Variants in ARHGAP18 observed in about 807,000 individuals in gnomAD.
ARHGAP18 encodes the protein Rho GTPase activating protein 18.
A neutral mutation model predicts 86.2 loss-of-function variants in ARHGAP18; 67 were observed. The ratio of observed to expected loss-of-function variants is 0.78; its 90% CI spans 0.64 to 0.95. The LOEUF is 0.95. ARHGAP18 is among the 40% of genes least tolerant of loss of function. The pLI is 0.00. For missense variants in ARHGAP18, 691 were observed against 780.4 expected (o/e 0.89, Z 1.37); for synonymous variants, 283 against 280.4 (o/e 1.01, Z -0.09).
chr6:129,699,861 T>C (rs1236802522), intron 1 of ARHGAP18, among the ~76,000 whole-genome samples: 1 of 152,176 alleles, frequency 6.6e-6, no homozygotes, highest in Admixed American at 6.5e-5. Flanking sequence ...GAAATGCAAG[T>C]GTAGGGAGGA....
intron 1 of ARHGAP18, among the ~76,000 whole-genome samples, chr6:129,683,663 T>C (rs1045490046): frequency 6.6e-6 from 1 of 151,832 alleles, no homozygotes; most frequent in Non-Finnish European, 1.5e-5. Flanking sequence ...TAATGGAAAA[T>C]AGAGGTTGGA....
At chr6:129,625,606 A>T (rs183852702) in intron 5 of ARHGAP18, among the ~76,000 whole-genome samples, 1 of 58,230 alleles carries the variant, frequency 1.7e-5, no homozygotes, top group Admixed American at 3.3e-4. Flanking sequence ...TATATTATAT[A>T]TTATTATATA....
chr6:129,677,730 T>C (rs935537505), intron 1 of ARHGAP18, among the ~76,000 whole-genome samples: 5 of 152,254 alleles, frequency 3.3e-5, no homozygotes, highest in African/African-American at 1.2e-4. Context: ...TTAAGGTACC[T>C]TGAAAAGCTG....
At chr6:129,610,040 G>A (rs1459115902) in intron 8 of ARHGAP18, among the ~76,000 whole-genome samples, 1 of 152,238 alleles carries the variant, frequency 6.6e-6, no homozygotes, top group East Asian at 1.9e-4. Flanking sequence ...ATGGGGTTAT[G>A]AAAATGAAGA....
chr6:129,597,855 TGTCTAACTATGCCAAA>T (rs780278072), intron 12 of ARHGAP18, among the ~76,000 whole-genome samples: 122 of 152,332 alleles, frequency 8.0e-4, no homozygotes, highest in Non-Finnish European at 1.3e-3. Flanking sequence ...GACCAGATCA[TGTCTAACTATGCCAAA>T]GTGCAAACTA....
intron 1 of ARHGAP18, among the ~76,000 whole-genome samples, chr6:129,651,074 G>A (rs1314659593): frequency 6.6e-6 from 1 of 152,052 alleles, no homozygotes; most frequent in Non-Finnish European, 1.5e-5. Context: ...AACTGCCATA[G>A]CAGATGTTGG....
intron 1 of ARHGAP18, among the ~76,000 whole-genome samples, chr6:129,662,391 G>A (rs1411559743): frequency 6.6e-6 from 1 of 152,234 alleles, no homozygotes; most frequent in Non-Finnish European, 1.5e-5. Flanking sequence ...TCCTTTTGAA[G>A]TGGGTGCAAT....
chr6:129,609,623 G>T (rs1422945482), intron 8 of ARHGAP18, among the ~76,000 whole-genome samples: 1 of 151,132 alleles, frequency 6.6e-6, no homozygotes, highest in African/African-American at 2.5e-5. Flanking sequence ...GTACTTAAAA[G>T]AACTCGTCTC....
intron 12 of ARHGAP18, among the ~76,000 whole-genome samples, chr6:129,592,100 A>T (rs1463962957): frequency 6.6e-6 from 1 of 151,492 alleles, no homozygotes; most frequent in Non-Finnish European, 1.5e-5. Context: ...AAGTTCTAAT[A>T]TTTTTTTTTA....
In ARHGAP18 at chr6:129,599,265, A is replaced by G. The variant is rs781686114; in HGVS notation, c.1664T>C (p.Met555Thr). The G allele has an allele frequency of 1.9e-6, 3 of 1,594,500 alleles. No individual in the cohort carries two copies. Residue 555 changes from methionine (M) to threonine (T), a missense_variant, in exon 12 of 15, where the codon ATG (methionine) becomes ACG (threonine). Physicochemically the swap from Met to Thr is moderately conservative, Grantham distance 81. Transcript: ENST00000368149. Reference sequence around the variant, plus strand: ...TTCATATTTTTCTCGGTCATAAGCCATTTTCTTCAGCAATTTCTTCATGGC... The same window carrying G: ...TTCATATTTTTCTCGGTCATAAGCCGTTTTCTTCAGCAATTTCTTCATGGC... Reference protein sequence around the residue: ...KRAMKKLLKKMAYDREKYEKQ... With the variant: ...KRAMKKLLKKTAYDREKYEKQ...
rs548516326 is a variant in ARHGAP18 at position 129,648,154 on chromosome 6, CT to C, written c.114-6137del. Reference sequence around the variant, plus strand: ...AGGATGAGAATTCTTTTCCAATGCACTTTTTTTTTTAATTTTTCAATTTTTT... The same window carrying C: ...AGGATGAGAATTCTTTTCCAATGCACTTTTTTTTTAATTTTTCAATTTTTT... On this transcript the variant is annotated intron_variant, in intron 1 of 14. Transcript: ENST00000368149. 9.9e-4 allele frequency among the ~76,000 whole-genome samples: 147 copies of C among 148,766 alleles called. 1 individual carries two copies. Among genetic ancestry groups the C allele is most frequent in the African/African-American group, 3.3e-3 (134 of 40,594 alleles).
At position 129,704,170 on chromosome 6, in the gene ARHGAP18, C is replaced by T. The variant is rs565075257; in HGVS notation, c.113+5854G>A. Among the ~76,000 whole-genome samples, 260 of 152,206 alleles carry T rather than the reference C, an allele frequency of 1.7e-3. 1 individual carries two copies. The highest frequency in any genetic ancestry group is 2.0e-3 in the African/African-American group (83 of 41,522). The stretch of plus-strand genomic sequence containing the variant: ...TCTCAAAACTGAGCTTCAGGCCAGG[C>T]GTGAGGGCTCACACCTATAATCCTA... On this transcript the variant is annotated intron_variant, in intron 1 of 14. Transcript: ENST00000368149.
chr6:129,582,732 G>T (rs909455126), intron 13 of ARHGAP18, among the ~76,000 whole-genome samples: 2 of 152,194 alleles, frequency 1.3e-5, no homozygotes, highest in South Asian at 4.1e-4. Flanking sequence ...GTGGAGAATG[G>T]TTAAGGGACT....
chr6:129,597,816 G>A (rs1407336432), intron 12 of ARHGAP18, among the ~76,000 whole-genome samples: 1 of 152,038 alleles, frequency 6.6e-6, no homozygotes, highest in Non-Finnish European at 1.5e-5. Context: ...TGACAATACA[G>A]TTTTTAAATA....
intron 1 of ARHGAP18, among the ~76,000 whole-genome samples, chr6:129,646,295 GCTTT>G (rs1773577889): frequency 1.3e-5 from 2 of 152,204 alleles, no homozygotes; most frequent in South Asian, 4.2e-4. Flanking sequence ...GGCCTTGCTT[GCTTT>G]GTTTGTTGTG....
intron 5 of ARHGAP18, among the ~76,000 whole-genome samples, chr6:129,625,414 TATATAATA>T (rs1789378182): frequency 2.5e-5 from 1 of 39,650 alleles, no homozygotes; most frequent in African/African-American, 1.4e-4. Flanking sequence ...TTATATATTA[TATATAATA>T]TATATTATAT....
At chr6:129,629,328 T>C in intron 5 of ARHGAP18, 25 bp downstream of exon 5, 2 of 1,604,652 alleles carry the variant, frequency 1.2e-6, no homozygotes, top group Non-Finnish European at 8.5e-7. Flanking sequence ...CATATATGTA[T>C]ATTTATAAAG....
chr6:129,642,975 A>G (rs556774541), intron 1 of ARHGAP18, among the ~76,000 whole-genome samples: 2 of 152,240 alleles, frequency 1.3e-5, no homozygotes, highest in African/African-American at 4.8e-5. Flanking sequence ...TCTCTCTCAG[A>G]TATTATCTAT....
chr6:129,626,489 C>T (rs1789475794), intron 5 of ARHGAP18, among the ~76,000 whole-genome samples: 1 of 151,436 alleles, frequency 6.6e-6, no homozygotes, highest in East Asian at 1.9e-4. Context: ...TACTTATAAG[C>T]CAAAATGAAA....
Sources: gnomAD v4.1 joint callset for allele counts (sites outside exome capture counted in the v4.1 genomes callset) on GRCh38, gnomAD v4.1.1 for gene constraint, MANE v1.5 for transcripts, NCBI Gene and HGNC (gene_info 2026-07-23, HGNC 2026-07-21) for gene names.